Variants in MRPS35 observed in about 807,000 individuals in gnomAD.
The protein encoded by MRPS35 is mitochondrial ribosomal protein S35.
MRPS35 carries 29 observed loss-of-function variants against 32.7 expected under a neutral mutation model. The observed-to-expected ratio is 0.89, with a 90% CI of 0.66 to 1.21. The LOEUF is 1.21. Among genes scored for constraint, MRPS35 ranks in the 50% most tolerant of loss-of-function variants. The probability of loss-of-function intolerance (pLI) is 0.00; values close to 1 mark genes in which losing one functional copy is unlikely to be tolerated. For missense variants in MRPS35, 373 were observed against 383.8 expected (o/e 0.97, Z 0.23); for synonymous variants, 148 against 139.3 (o/e 1.06, Z -0.44).
intron 7 of MRPS35, among the ~76,000 whole-genome samples, chr12:27,752,565 C>T (rs910604663): frequency 2.0e-5 from 3 of 152,088 alleles, no homozygotes; most frequent in East Asian, 1.9e-4. Context: ...TTTTACTTAA[C>T]GCTTTATAAA....
At chr12:27,754,013 G>A (rs781019479) in intron 7 of MRPS35, among the ~76,000 whole-genome samples, 15 of 152,134 alleles carry the variant, frequency 9.9e-5, no homozygotes, top group Non-Finnish European at 1.9e-4. Flanking sequence ...CTACACTTTG[G>A]GAAGCCAAGG....
intron 1 of MRPS35, among the ~76,000 whole-genome samples, chr12:27,714,105 G>C (rs2061839820): frequency 2.7e-5 from 4 of 149,276 alleles, no homozygotes. Flanking sequence ...GAAAGAAAGA[G>C]AAAAAAGAAA....
chr12:27,713,805 T>C (rs1437808544), intron 1 of MRPS35, among the ~76,000 whole-genome samples: 1 of 152,100 alleles, frequency 6.6e-6, no homozygotes, highest in Non-Finnish European at 1.5e-5. Flanking sequence ...TTAACTATCA[T>C]GGCTGGGCAC....
In MRPS35 at chr12:27,721,831, C is replaced by T. The variant is rs936455821; in HGVS notation, c.382+1963C>T. On this transcript the variant is annotated intron_variant, in intron 4 of 7. Coordinates refer to ENST00000081029, the MANE Select transcript of MRPS35 (RefSeq NM_021821.4). ...GTGGTAGCTCATGCTTTTAATTCCA[C>T]AGTACAGCACTTTGAGAGGCCAAGG... Among the ~76,000 whole-genome samples the T allele has an allele frequency of 2.6e-5, 4 of 152,056 alleles. No homozygotes were observed. The East Asian group carries it at 7.7e-4, about 29-fold the overall frequency.
chr12:27,712,798 C>T (rs377186047), intron 1 of MRPS35, among the ~76,000 whole-genome samples: 4 of 152,202 alleles, frequency 2.6e-5, no homozygotes, highest in South Asian at 2.1e-4. Flanking sequence ...CTGCGGATCC[C>T]TTGAGCCCAG....
intron 3 of MRPS35, among the ~76,000 whole-genome samples, chr12:27,716,740 C>T (rs1372469831): frequency 6.6e-6 from 1 of 152,268 alleles, no homozygotes; most frequent in East Asian, 1.9e-4. Context: ...GTAATCCTGG[C>T]ACTTTGGGAG....
intron 4 of MRPS35, 73 bp from the exon 5 acceptor site, chr12:27,723,974 T>G: frequency 1.4e-6 from 2 of 1,436,462 alleles, no homozygotes; most frequent in Non-Finnish European, 1.9e-6. Flanking sequence ...TAATTTGGTA[T>G]TGTCTAGTAG....
chr12:27,741,396 A>G (rs2061964366), intron 7 of MRPS35, among the ~76,000 whole-genome samples: 1 of 152,244 alleles, frequency 6.6e-6, no homozygotes, highest in African/African-American at 2.4e-5. Flanking sequence ...TGGATCAGGG[A>G]GAATTTGTGT....
At chr12:27,749,962 T>C (rs892448134) in intron 7 of MRPS35, among the ~76,000 whole-genome samples, 9 of 152,230 alleles carry the variant, frequency 5.9e-5, no homozygotes, top group African/African-American at 1.9e-4. Flanking sequence ...TACCATCTTA[T>C]ACAAACTTCC....
intron 1 of MRPS35, among the ~76,000 whole-genome samples, chr12:27,712,408 T>C (rs143795127): frequency 8.5e-5 from 13 of 152,334 alleles, no homozygotes; most frequent in African/African-American, 3.1e-4. Flanking sequence ...GGAACTGATA[T>C]AATGTGATTT....
In MRPS35 at chr12:27,719,855, T is replaced by G. The variant is rs1398546190; in HGVS notation, c.369T>G (p.Cys123Trp). 1.2e-6 allele frequency: 2 copies of G among 1,606,556 alleles called. No homozygotes were observed. Among genetic ancestry groups the G allele is most frequent in the Non-Finnish European group, 1.7e-6 (2 of 1,174,268 alleles). ...CTCCTGTAGCAATTAAAAAGCACTG[T>G]GAAGCCCTTAAAGGTAAGTGGTTAT... Reference protein sequence around the residue: ...HLTPVAIKKHCEALKDFCTEW... With the variant: ...HLTPVAIKKHWEALKDFCTEW... Residue 123 changes from cysteine to tryptophan, a missense_variant, in exon 4 of 8, where the codon TGT becomes TGG. Physicochemically the swap from Cys to Trp is radical, Grantham distance 215. Transcript: ENST00000081029.
chr12:27,712,132 G>A (rs539620670), intron 1 of MRPS35, among the ~76,000 whole-genome samples: 8 of 152,024 alleles, frequency 5.3e-5, no homozygotes, highest in Admixed American at 2.6e-4. Flanking sequence ...TTTGAACAGG[G>A]CCCCAAGCCA....
chr12:27,750,692 C>T (rs1304885016), intron 7 of MRPS35, among the ~76,000 whole-genome samples: 2 of 152,102 alleles, frequency 1.3e-5, no homozygotes, highest in Admixed American at 6.6e-5. Flanking sequence ...GTAGTCCCAG[C>T]TACTCCGGAG....
In MRPS35 at chr12:27,755,384, G is replaced by C. The variant is rs766435837; in HGVS notation, c.906G>C (p.Glu302Asp). The change falls in exon 8 of 8, where the codon GAG (glutamate) becomes GAC (aspartate). Residue 302 changes from glutamate to aspartate, a missense_variant. By Grantham distance (45) the Glu-to-Asp change is conservative (BLOSUM62 2). Coordinates refer to ENST00000081029, the MANE Select transcript of MRPS35 (RefSeq NM_021821.4). The part of the protein sequence containing the change: ...YKKSVVSLKN[E>D]EENENSISQY... Reference sequence around the variant, plus strand: ...AGTCTGTTGTTAGTCTTAAAAATGAGGAGGAAAATGAAAATTCCATTTCTC... The same window carrying C: ...AGTCTGTTGTTAGTCTTAAAAATGACGAGGAAAATGAAAATTCCATTTCTC... The C allele has an allele frequency of 6.2e-7, 1 of 1,600,452 alleles. No homozygotes were observed. The highest frequency in any genetic ancestry group is 8.5e-7 in the Non-Finnish European group (1 of 1,176,926).
intron 7 of MRPS35, among the ~76,000 whole-genome samples, chr12:27,753,579 A>G (rs2062014815): frequency 6.6e-6 from 1 of 152,134 alleles, no homozygotes; most frequent in Admixed American, 6.6e-5. Flanking sequence ...GGGATTTTCT[A>G]GAGGTAGAAT....
In MRPS35 at chr12:27,719,821, T is replaced by A. The variant is rs1216566573; in HGVS notation, c.335T>A (p.Leu112Gln). Residue 112 changes from leucine to glutamine, a missense_variant, in exon 4 of 8, where the codon CTG becomes CAG. Leu to Gln is a moderately radical substitution (Grantham distance 113). Coordinates refer to ENST00000081029, the MANE Select transcript of MRPS35 (RefSeq NM_021821.4). ...NLELLKIPNF[L>Q]HLTPVAIKKH... ...TCTCTATTTAAGATTCCCAATTTTC[T>A]GCATTTGACTCCTGTAGCAATTAAA... is the stretch of plus-strand genomic sequence containing the variant. 6.2e-7 allele frequency: 1 copy of A among 1,604,596 alleles called. No homozygotes were observed. Among genetic ancestry groups the A allele is most frequent in the Non-Finnish European group, 8.5e-7 (1 of 1,172,840 alleles).
chr12:27,746,747 C>T (rs551177087), intron 7 of MRPS35, among the ~76,000 whole-genome samples: 1 of 152,294 alleles, frequency 6.6e-6, no homozygotes, highest in Non-Finnish European at 1.5e-5. Flanking sequence ...CACCCAGTGG[C>T]TGAAGTAATA....
At position 27,737,701 on chromosome 12, in the gene MRPS35, T is replaced by A. The variant is rs546863935; in HGVS notation, c.702+93T>A. On this transcript the variant is annotated intron_variant, in intron 7 of 7. Transcript: ENST00000081029. ...TCTTTGTGGCAAGTACTCAACTGAG[T>A]ATTTTGTGAACTGCTGAATAATCTA... 52 of 1,002,032 alleles carry A rather than the reference T, an allele frequency of 5.2e-5. No homozygotes were observed. The African/African-American group carries it at 7.6e-4, about 15-fold the overall frequency. The allele number at this position is 1,002,032 out of a possible 1,614,324, so 62.1% of individuals were successfully genotyped here.
intron 7 of MRPS35, among the ~76,000 whole-genome samples, chr12:27,742,338 C>A (rs138572172): frequency 6.6e-6 from 1 of 152,248 alleles, no homozygotes; most frequent in East Asian, 1.9e-4. Flanking sequence ...CTATTTAGTT[C>A]TTGTGTACAA....
Sources: allele counts gnomAD v4.1 joint callset (sites outside exome capture counted in the v4.1 genomes callset), GRCh38; gene constraint gnomAD v4.1.1; transcripts MANE v1.5; gene names NCBI Gene and HGNC (gene_info 2026-07-23, HGNC 2026-07-21).